The following TRIO variants were observed in gnomAD, a reference collection of about 807,000 sequenced individuals.
The protein encoded by TRIO is triple functional domain protein.
A neutral mutation model predicts 351.9 loss-of-function variants in TRIO; 58 were observed. The observed-to-expected ratio is 0.16, with a 90% CI of 0.13 to 0.21. The LOEUF (loss-of-function observed/expected upper bound fraction) is 0.21, where lower values mean the gene tolerates loss of function less well. Among genes scored for constraint, TRIO ranks in the 10% least tolerant of loss-of-function variants. The pLI is 1.00. For synonymous variants in TRIO, 1,758 were observed against 1,595.7 expected, an observed-to-expected ratio of 1.10 and a Z score of -2.42; for missense variants, 3,201 against 4,027.8, an observed-to-expected ratio of 0.79 and a Z score of 5.56.
chr5:14,401,016 A>G lies in TRIO; in HGVS notation c.4668A>G (p.Ala1556=). 1.2e-6 allele frequency: 2 copies of G among 1,614,150 alleles called. No homozygotes were observed. Among genetic ancestry groups the G allele is most frequent in the South Asian group, 1.1e-5 (1 of 91,052 alleles). ...TTGAAGGAGACCCTTGCAAATTTGC[A>G]CTGTGGGTGGGGAGAACACCAACTT... ...EHVEGDPCKF[A]LWVGRTPTSD... The change falls in exon 31 of 57, where the codon GCA becomes GCG. Residue 1556 remains alanine (A), a synonymous_variant. Transcript: ENST00000344204.
At chr5:14,318,587 A>G (rs1480748807) in intron 9 of TRIO, among the ~76,000 whole-genome samples, 2 of 152,052 alleles carry the variant, frequency 1.3e-5, no homozygotes, top group African/African-American at 2.4e-5. Context: ...TCATTTTGTT[A>G]TTATTCATGC....
At chr5:14,250,787 A>G (rs1390823579) in intron 1 of TRIO, among the ~76,000 whole-genome samples, 1 of 152,046 alleles carries the variant, frequency 6.6e-6, no homozygotes, top group Non-Finnish European at 1.5e-5. Flanking sequence ...ATCCTGTTTG[A>G]TTGAGGGCAG....
At chr5:14,167,751 C>T (rs1386045820) in intron 1 of TRIO, among the ~76,000 whole-genome samples, 1 of 152,064 alleles carries the variant, frequency 6.6e-6, no homozygotes, top group Non-Finnish European at 1.5e-5. Context: ...TCTTGGTGCC[C>T]TTGAAGAGGA....
intron 1 of TRIO, among the ~76,000 whole-genome samples, chr5:14,160,628 A>T (rs573805725): frequency 6.6e-6 from 1 of 152,348 alleles, no homozygotes; most frequent in South Asian, 2.1e-4. Context: ...ATAAAAGATG[A>T]TCAACTAGCT....
At position 14,389,363 on chromosome 5, in the gene TRIO, C is replaced by T. The variant is rs142826537; in HGVS notation, c.4023C>T (p.Phe1341=). ...TTGTAAACAAAGAACTCATCATCTT[C>T]GGAAACATGCAAGAAATCTACGAAT... is the stretch of plus-strand genomic sequence containing the variant. ...PGIVNKELII[F]GNMQEIYEFH... The change falls in exon 25 of 57, where the codon TTC becomes TTT. Residue 1341 remains phenylalanine (F), a synonymous_variant. Coordinates refer to ENST00000344204, the MANE Select transcript of TRIO (RefSeq NM_007118.4). 1.6e-5 allele frequency: 25 copies of T among 1,610,736 alleles called. No homozygotes were observed. Among genetic ancestry groups the T allele is most frequent in the East Asian group, 6.7e-5 (3 of 44,592 alleles).
chr5:14,411,697 T>C (rs1169871436), intron 33 of TRIO, among the ~76,000 whole-genome samples: 2 of 152,144 alleles, frequency 1.3e-5, no homozygotes, highest in African/African-American at 4.8e-5. Context: ...AGTCTTGAAC[T>C]CCTAGGCTCA....
At chr5:14,464,115 C>T (rs779330645) in intron 36 of TRIO, among the ~76,000 whole-genome samples, 1 of 152,142 alleles carries the variant, frequency 6.6e-6, no homozygotes, top group Non-Finnish European at 1.5e-5. Flanking sequence ...GTGAGAGGAC[C>T]ACAGCCCCCT....
chr5:14,278,819 C>T (rs1329307456), intron 2 of TRIO, among the ~76,000 whole-genome samples: 3 of 152,134 alleles, frequency 2.0e-5, no homozygotes, highest in Non-Finnish European at 4.4e-5. Context: ...AAATGTTAGC[C>T]CCCTCTAAGG....
chr5:14,361,053 C>T (rs890885445), intron 13 of TRIO, among the ~76,000 whole-genome samples: 6 of 152,140 alleles, frequency 3.9e-5, no homozygotes, highest in African/African-American at 1.4e-4. Flanking sequence ...GCCTACTTTC[C>T]TCTCTGACTT....
intron 34 of TRIO, among the ~76,000 whole-genome samples, chr5:14,437,691 C>A (rs914302878): frequency 2.2e-5 from 3 of 137,864 alleles, no homozygotes; most frequent in Admixed American, 7.2e-5. Context: ...GGACCACCCC[C>A]CCCGCCCCAA....
chr5:14,403,400 GTGA>G lies in TRIO; in HGVS notation c.4716+2340_4716+2342del, dbSNP rs1437608710. 3.1e-4 allele frequency among the ~76,000 whole-genome samples: 29 copies of G among 94,286 alleles called. 3 individuals carry two copies. Among genetic ancestry groups the G allele is most frequent in the Admixed American group, 7.2e-4 (7 of 9,784 alleles). The allele number at this position is 94,286 out of a possible 152,430, so 61.9% of individuals were successfully genotyped here. On this transcript the variant is annotated intron_variant, in intron 31 of 56. Transcript: ENST00000344204. ...GGTGTAGGTTGTGAGGGTGTAGGTT[GTGA>G]TGAGGGTGTAGGTTGTGGTGAGGGT...
chr5:14,382,339 A>T (rs893134818), intron 21 of TRIO, among the ~76,000 whole-genome samples: 3 of 151,842 alleles, frequency 2.0e-5, no homozygotes, highest in Admixed American at 1.3e-4. Flanking sequence ...ACTGTTACTG[A>T]CTCCTCCTGC....
At chr5:14,285,198 T>C (rs1736336119) in intron 3 of TRIO, among the ~76,000 whole-genome samples, 3 of 152,148 alleles carry the variant, frequency 2.0e-5, no homozygotes, top group African/African-American at 7.2e-5. Context: ...ATGAGGAGTA[T>C]TTGAAATCAT....
intron 11 of TRIO, among the ~76,000 whole-genome samples, chr5:14,351,409 C>T (rs191314488): frequency 3.9e-5 from 6 of 152,344 alleles, no homozygotes; most frequent in African/African-American, 1.4e-4. Context: ...CCTACTTCTG[C>T]TTCTGACTTG....
rs1442578346 is a variant in TRIO, at chr5:14,487,818, C to T, written c.7190C>T (p.Ala2397Val). ...GCGCCCAGCAGGCGGCCCCCCGGCG[C>T]GGACGCCGAGGGGTCCGAGCGAGAA... ...PSAPSRRPPG[A>V]DAEGSEREAE... is the part of the protein sequence containing the mutation. Residue 2397 changes from alanine (A) to valine (V), a missense_variant, in exon 48 of 57, where the codon GCG becomes GTG. Transcript: ENST00000344204. 1.4e-6 allele frequency: 2 copies of T among 1,466,832 alleles called. No individual in the cohort carries two copies. Among genetic ancestry groups the T allele is most frequent in the Non-Finnish European group, 1.8e-6 (2 of 1,108,492 alleles). The allele number at this position is 1,466,832 out of a possible 1,614,324, so 90.9% of individuals were successfully genotyped here.
Position 14,364,762 on chromosome 5 carries a change from G to C in TRIO, c.2700G>C (p.Arg900=). Residue 900 remains arginine, a synonymous_variant, in exon 15 of 57, where the codon CGG becomes CGC. Transcript: ENST00000344204. ...TGGATTTAGCCGCAGAGCAGCATCG[G>C]AAACACCTGGAGCAGTGCGTGCAGC... ...QELDLAAEQH[R]KHLEQCVQLR... is the part of the protein sequence containing the mutation. The C allele has an allele frequency of 6.2e-7, 1 of 1,612,268 alleles. No individual in the cohort carries two copies. The highest frequency in any genetic ancestry group is 8.5e-7 in the Non-Finnish European group (1 of 1,179,938).
chr5:14,151,690 T>C (rs6554843), intron 1 of TRIO, among the ~76,000 whole-genome samples: 52,485 of 152,086 alleles, frequency 0.35, 9,493 homozygotes, highest in Middle Eastern at 0.49. Context: ...TTGATCTCCA[T>C]TGTTTATTCA....
rs1789319551 is a variant in TRIO at position 14,174,970 on chromosome 5, G to A, written c.157+31088G>A. 2.0e-5 allele frequency among the ~76,000 whole-genome samples: 3 copies of A among 152,306 alleles called. No homozygotes were observed. The South Asian group carries it at 6.2e-4, about 32-fold the overall frequency. ...TCATGCTCATCACTTCAAAACTGTA[G>A]AAGTTACTAGAATGACTGCTATTTT... On this transcript the variant is annotated intron_variant, in intron 1 of 56. Coordinates refer to ENST00000344204, the MANE Select transcript of TRIO (RefSeq NM_007118.4).
intron 27 of TRIO, 57 bp from the exon 28 acceptor site, chr5:14,393,981 A>C (rs987874378): frequency 5.1e-6 from 6 of 1,178,982 alleles, no homozygotes; most frequent in Admixed American, 1.9e-5. Context: ...TTTTATGGCC[A>C]TGATTTAATA....
Sources: allele counts gnomAD v4.1 joint callset (sites outside exome capture counted in the v4.1 genomes callset), GRCh38; gene constraint gnomAD v4.1.1; transcripts MANE v1.5; gene names NCBI Gene and HGNC (gene_info 2026-07-23, HGNC 2026-07-21).